Variants in ENOX1 observed in about 807,000 individuals in gnomAD.
The protein encoded by ENOX1 is ecto-NOX disulfide-thiol exchanger 1, also known as candidate growth-related and time keeping constitutive hydroquinone (NADH) oxidase.
Under a neutral mutation model 82.5 loss-of-function variants are expected in ENOX1, and 42 were observed. The observed-to-expected ratio is 0.51, with a 90% confidence interval of 0.40 to 0.66. The LOEUF (loss-of-function observed/expected upper bound fraction) is 0.66. Ranked by LOEUF, ENOX1 falls within the 30% of genes least tolerant of loss-of-function variation. The pLI, the probability that ENOX1 is intolerant of heterozygous loss-of-function variation, is 0.00. For synonymous variants in ENOX1, 271 were observed against 282.2 expected, an observed-to-expected ratio of 0.96 and a Z score of 0.40; for missense variants, 608 against 811.6, an observed-to-expected ratio of 0.75 and a Z score of 3.05.
chr13:43,706,687 C>T (rs1490161598), intron 1 of ENOX1, among the ~76,000 whole-genome samples: 1 of 134,052 alleles, frequency 7.5e-6, no homozygotes, highest in Admixed American at 8.0e-5. Context: ...GGACATTTTA[C>T]AAAATTGAGC....
At chr13:43,288,685 A>G (rs1348711488) in intron 12 of ENOX1, among the ~76,000 whole-genome samples, 2 of 152,216 alleles carry the variant, frequency 1.3e-5, no homozygotes, top group Non-Finnish European at 2.9e-5. Context: ...GCCAATAACC[A>G]GATCATTGTG....
chr13:43,571,532 A>T (rs1359492089), intron 2 of ENOX1, among the ~76,000 whole-genome samples: 1 of 151,232 alleles, frequency 6.6e-6, no homozygotes. Context: ...GAAAAAAAAA[A>T]ATACAAAATT....
chr13:43,220,068 C>T (rs1052880694), intron 16 of ENOX1, among the ~76,000 whole-genome samples: 6 of 150,532 alleles, frequency 4.0e-5, no homozygotes, highest in African/African-American at 1.5e-4. Context: ...GTAGATGGGG[C>T]AAAGGGAGGG....
chr13:43,401,495 C>T (rs1458703537), intron 5 of ENOX1, among the ~76,000 whole-genome samples: 1 of 152,136 alleles, frequency 6.6e-6, no homozygotes, highest in Non-Finnish European at 1.5e-5. Context: ...CTGAATTAGA[C>T]ATCTGGGGAA....
chr13:43,428,359 C>G (rs764725254), intron 3 of ENOX1, among the ~76,000 whole-genome samples: 1 of 152,144 alleles, frequency 6.6e-6, no homozygotes, highest in African/African-American at 2.4e-5. Flanking sequence ...TGAGGGCAAA[C>G]TGATGGTTTA....
intron 2 of ENOX1, among the ~76,000 whole-genome samples, chr13:43,637,331 T>G (rs1279734393): frequency 6.6e-6 from 1 of 152,236 alleles, no homozygotes; most frequent in African/African-American, 2.4e-5. Flanking sequence ...CAAAGTTTCC[T>G]TCTCTTTGGT....
Position 43,786,822 on chromosome 13 carries a change from T to TGCCGCCGCC in ENOX1, c.-464_-456dup, listed in dbSNP as rs60207637. The TGCCGCCGCC allele has an allele frequency of 0.24, 36,088 of 152,290 alleles. 4,773 individuals carry two copies. Among genetic ancestry groups the TGCCGCCGCC allele is most frequent in the East Asian group, 0.35 (1,750 of 5,040 alleles). The allele number at this position is 152,290 out of a possible 1,614,324, so 9.4% of individuals were successfully genotyped here. On this transcript the variant is annotated 5_prime_UTR_variant, in exon 1 of 17. Coordinates refer to ENST00000690772, the MANE Select transcript of ENOX1 (RefSeq NM_001347969.2). The surrounding 1 kb of genome is among the most constrained non-coding windows in gnomAD (Gnocchi z 6.0). ...GGGCTGCAGTCGCCGTTCCCTCTGC[T>TGCCGCCGCC]GCCGCCGCCGCTGCAGCAGACAGAG...
chr13:43,293,665 C>T (rs1018116566), intron 12 of ENOX1, among the ~76,000 whole-genome samples: 1 of 152,324 alleles, frequency 6.6e-6, no homozygotes, highest in Middle Eastern at 3.4e-3. Flanking sequence ...ACTTACTAAG[C>T]AACTAAATAG....
chr13:43,338,159 C>T (rs1231786143), intron 9 of ENOX1, among the ~76,000 whole-genome samples: 2 of 152,118 alleles, frequency 1.3e-5, no homozygotes, highest in Admixed American at 1.3e-4. Context: ...AAAAGGCATG[C>T]AAAACTTATC....
At chr13:43,384,189 C>T (rs1017205705) in intron 5 of ENOX1, among the ~76,000 whole-genome samples, 1 of 152,192 alleles carries the variant, frequency 6.6e-6, no homozygotes. Context: ...GGCACATACA[C>T]AATAAATGCA....
chr13:43,391,300 C>T (rs2052758343), intron 5 of ENOX1, among the ~76,000 whole-genome samples: 1 of 152,122 alleles, frequency 6.6e-6, no homozygotes, highest in South Asian at 2.1e-4. Context: ...ACTATAACTG[C>T]TGGAAGTTTT....
At chr13:43,512,543 A>C (rs752468524) in intron 2 of ENOX1, among the ~76,000 whole-genome samples, 6 of 152,148 alleles carry the variant, frequency 3.9e-5, no homozygotes, top group Non-Finnish European at 7.3e-5. Context: ...AATACTACAT[A>C]ATAAAACAAT....
In ENOX1 at chr13:43,621,387, T is replaced by C. The variant is rs1002008375; in HGVS notation, c.-219+46092A>G. Among the ~76,000 whole-genome samples the C allele has an allele frequency of 2.0e-5, 3 of 152,214 alleles. No individual in the cohort carries two copies. The East Asian group carries it at 5.8e-4, about 29-fold the overall frequency. ...TTTAAAGAGGTCCTGTTTTGATGTG[T>C]TTCCAGAATTTGTTTCAAGATTTAG... is the stretch of plus-strand genomic sequence containing the variant. On this transcript the variant is annotated intron_variant, in intron 2 of 16. Coordinates refer to ENST00000690772, the MANE Select transcript of ENOX1 (RefSeq NM_001347969.2).
intron 6 of ENOX1, among the ~76,000 whole-genome samples, chr13:43,361,047 A>G (rs892713719): frequency 3.3e-5 from 5 of 152,196 alleles, no homozygotes; most frequent in Non-Finnish European, 7.3e-5. Context: ...CTGGATACAC[A>G]TCCCTAAATC....
chr13:43,303,949 A>T (rs1269914265), intron 11 of ENOX1, among the ~76,000 whole-genome samples: 3 of 152,130 alleles, frequency 2.0e-5, no homozygotes, highest in Non-Finnish European at 4.4e-5. Context: ...CCGATTCCTA[A>T]ACTGGGGTTG....
chr13:43,491,341 C>T (rs1170192656), intron 2 of ENOX1, among the ~76,000 whole-genome samples: 1 of 152,186 alleles, frequency 6.6e-6, no homozygotes, highest in African/African-American at 2.4e-5. Flanking sequence ...CACATTTCAA[C>T]ATGAGATTTG....
chr13:43,768,386 G>T (rs903312730), intron 1 of ENOX1, among the ~76,000 whole-genome samples: 1 of 152,152 alleles, frequency 6.6e-6, no homozygotes. Flanking sequence ...AGGATCACTT[G>T]AGGCCAGGAG....
chr13:43,414,841 A>G (rs560031435), intron 3 of ENOX1, among the ~76,000 whole-genome samples: 29 of 152,264 alleles, frequency 1.9e-4, no homozygotes, highest in Non-Finnish European at 3.8e-4. Context: ...CTGGAACACT[A>G]TATCAGAGAA....
At chr13:43,560,567 C>T (rs991541787) in intron 2 of ENOX1, among the ~76,000 whole-genome samples, 2 of 152,054 alleles carry the variant, frequency 1.3e-5, no homozygotes, top group African/African-American at 4.8e-5. Flanking sequence ...TTGTTTTCTT[C>T]CACTGAGTTG....
Sources: gnomAD v4.1 joint callset for allele counts (sites outside exome capture counted in the v4.1 genomes callset) on GRCh38, gnomAD v4.1.1 for gene constraint, Gnocchi (gnomAD v3.1) non-coding constraint, MANE v1.5 for transcripts, NCBI Gene and HGNC (gene_info 2026-07-23, HGNC 2026-07-21) for gene names.